KMT5B: variants seen among roughly 807,000 people sequenced by gnomAD.
KMT5B encodes lysine methyltransferase 5B, also known as histone-lysine N-methyltransferase KMT5B.
KMT5B carries 10 observed loss-of-function variants against 83.2 expected under a neutral mutation model. The ratio of observed to expected loss-of-function variants is 0.12; its 90% CI spans 0.07 to 0.20. KMT5B has a LOEUF of 0.20. KMT5B is among the 10% of genes least tolerant of loss of function. The probability of loss-of-function intolerance (pLI) is 1.00; values close to 1 mark genes in which losing one functional copy is unlikely to be tolerated. For missense variants in KMT5B, 753 were observed against 1,067.2 expected (o/e 0.71, Z 4.10); for synonymous variants, 349 against 388.8 (o/e 0.90, Z 1.20).
At chr11:68,207,328 C>G (rs1157028223) in intron 1 of KMT5B, among the ~76,000 whole-genome samples, 1 of 152,112 alleles carries the variant, frequency 6.6e-6, no homozygotes, top group Non-Finnish European at 1.5e-5. Context: ...TGTACCTGGT[C>G]AAACAGATTA....
chr11:68,197,700 G>T (rs1432326218), intron 1 of KMT5B, among the ~76,000 whole-genome samples: 1 of 152,110 alleles, frequency 6.6e-6, no homozygotes, highest in African/African-American at 2.4e-5. Flanking sequence ...GATATTATTT[G>T]AACTCAAGGT....
intron 10 of KMT5B, among the ~76,000 whole-genome samples, chr11:68,159,517 G>C (rs1854672052): frequency 6.6e-6 from 1 of 152,150 alleles, no homozygotes; most frequent in Admixed American, 6.6e-5. Flanking sequence ...CCACATAAAA[G>C]ATTTCAAAGA....
rs946728630 is a variant in KMT5B at position 68,155,554 on chromosome 11, A to C, written c.*2134T>G. ...TATCGTTGGTATTCAAATAAGGTTT[A>C]AGATTTAGTCTCTGAACCTCTTCAA... is the stretch of plus-strand genomic sequence containing the variant. On this transcript the variant is annotated 3_prime_UTR_variant, in exon 11 of 11. Coordinates refer to ENST00000304363, the MANE Select transcript of KMT5B (RefSeq NM_017635.5). 1.3e-5 allele frequency: 2 copies of C among 152,222 alleles called. No homozygotes were observed. Among genetic ancestry groups the C allele is most frequent in the Non-Finnish European group, 2.9e-5 (2 of 68,026 alleles). 9.4% of individuals were successfully genotyped at this position (152,222 alleles called of 1,614,324 possible). A position where few individuals can be genotyped will look rare whatever the true frequency, so the allele number is the denominator to read the frequency against.
chr11:68,157,091 CATTTTTT>C lies in KMT5B; in HGVS notation c.*590_*596del, dbSNP rs1397144318. 7.0e-6 allele frequency: 1 copy of C among 142,626 alleles called. No individual in the cohort carries two copies. The highest frequency in any genetic ancestry group is 1.5e-5 in the Non-Finnish European group (1 of 65,410). The allele number at this position is 142,626 out of a possible 1,614,324, so 8.8% of individuals were successfully genotyped here. Reference sequence around the variant, plus strand: ...CTGAAAAGTGAGCTGTCACGTATGTCATTTTTTTTTTTTTTTTAAGAAACCAATCTGA... The same window carrying C: ...CTGAAAAGTGAGCTGTCACGTATGTCTTTTTTTTTTAAGAAACCAATCTGA... On this transcript the variant is annotated 3_prime_UTR_variant, in exon 11 of 11. Coordinates refer to ENST00000304363, the MANE Select transcript of KMT5B (RefSeq NM_017635.5).
At chr11:68,162,321 G>A (rs1019678566) in intron 10 of KMT5B, among the ~76,000 whole-genome samples, 4 of 152,156 alleles carry the variant, frequency 2.6e-5, no homozygotes, top group Non-Finnish European at 4.4e-5. Flanking sequence ...TTTAACCTGT[G>A]CTCACATCTC....
chr11:68,205,153 AAAAC>A (rs1299939183), intron 1 of KMT5B, among the ~76,000 whole-genome samples: 1 of 152,040 alleles, frequency 6.6e-6, no homozygotes, highest in Non-Finnish European at 1.5e-5. Flanking sequence ...ACCAAAAAAA[AAAAC>A]AAAAAAAACA....
At chr11:68,205,855 C>G (rs1048451732) in intron 1 of KMT5B, among the ~76,000 whole-genome samples, 1 of 152,102 alleles carries the variant, frequency 6.6e-6, no homozygotes, top group Admixed American at 6.6e-5. Flanking sequence ...CTCCTGACCT[C>G]GAGATCCACC....
chr11:68,163,228 G>GC (rs1329415081), intron 10 of KMT5B, among the ~76,000 whole-genome samples: 2 of 152,176 alleles, frequency 1.3e-5, no homozygotes, highest in Non-Finnish European at 2.9e-5. Flanking sequence ...ATTACTACAT[G>GC]CTAGGTGCTG....
rs1861204194 is a variant in KMT5B at position 68,213,213 on chromosome 11, C to G, written c.-152G>C. 6.9e-6 allele frequency: 1 copy of G among 145,118 alleles called. No individual in the cohort carries two copies. Among genetic ancestry groups the G allele is most frequent in the African/African-American group, 2.5e-5 (1 of 40,260 alleles). The allele number at this position is 145,118 out of a possible 1,614,324, so 9.0% of individuals were successfully genotyped here. A position where few individuals can be genotyped will look rare whatever the true frequency, so the allele number is the denominator to read the frequency against. On this transcript the variant is annotated 5_prime_UTR_variant, in exon 1 of 11. Transcript: ENST00000304363. ...CGGCCGCTGCGATGCGGGGCCGCGC[C>G]GCCGGGCCCCGCGTCCCAGTCCCCC... is the stretch of plus-strand genomic sequence containing the variant.
chr11:68,169,113 C>A (rs1855594844), intron 9 of KMT5B, among the ~76,000 whole-genome samples: 1 of 152,210 alleles, frequency 6.6e-6, no homozygotes, highest in Non-Finnish European at 1.5e-5. Flanking sequence ...TCATGCTGTT[C>A]CATTTAAAAA....
At chr11:68,206,579 G>GC (rs1565264460) in intron 1 of KMT5B, among the ~76,000 whole-genome samples, 1 of 152,154 alleles carries the variant, frequency 6.6e-6, no homozygotes, top group East Asian at 1.9e-4. Context: ...AGCAGTGTGA[G>GC]CAGACGAGTT....
chr11:68,162,846 T>C (rs1401289707), intron 10 of KMT5B, among the ~76,000 whole-genome samples: 2 of 152,178 alleles, frequency 1.3e-5, no homozygotes, highest in Non-Finnish European at 2.9e-5. Context: ...TCAAAAGGTA[T>C]GCTCATCAAA....
chr11:68,178,580 T>G (rs1856603264), intron 4 of KMT5B, among the ~76,000 whole-genome samples: 1 of 152,220 alleles, frequency 6.6e-6, no homozygotes, highest in African/African-American at 2.4e-5. Flanking sequence ...CACAGTTGGC[T>G]GCTATGGGCA....
rs1230036223 is a variant in KMT5B, at chr11:68,158,934, T to G, written c.1412A>C (p.Glu471Ala). 1 of 1,613,782 alleles carries G rather than the reference T, an allele frequency of 6.2e-7. No homozygotes were observed. ...CTCTTTCAGTACTAAGTTTCCCATT[T>G]CGAGTTTTCTTGAAGCATTCTTTTG... ...LEQKNASRKL[E>A]MGNLVLKEPK... The change falls in exon 11 of 11, where the codon GAA becomes GCA. Residue 471 changes from glutamate to alanine, a missense_variant. Around this residue, in one of 9 missense-constraint regions of KMT5B, gnomAD observed 397 missense variants for 395.9 expected, o/e 1.00. Transcript: ENST00000304363.
intron 3 of KMT5B, 137 bp downstream of exon 3, chr11:68,185,644 C>T: frequency 1.3e-6 from 1 of 760,102 alleles, no homozygotes; most frequent in Non-Finnish European, 2.0e-6. Flanking sequence ...TCTTGGCTCA[C>T]AGACAGAAAA....
chr11:68,203,951 T>C (rs1859758753), intron 1 of KMT5B, among the ~76,000 whole-genome samples: 1 of 152,188 alleles, frequency 6.6e-6, no homozygotes, highest in African/African-American at 2.4e-5. Flanking sequence ...CAAATGTCCA[T>C]GATATTATCA....
intron 1 of KMT5B, among the ~76,000 whole-genome samples, chr11:68,209,040 C>T (rs1194296266): frequency 6.6e-6 from 1 of 152,114 alleles, no homozygotes; most frequent in Non-Finnish European, 1.5e-5. Flanking sequence ...AGGATCAAGC[C>T]CCCTTTTACT....
intron 1 of KMT5B, among the ~76,000 whole-genome samples, chr11:68,206,937 G>C (rs1248431504): frequency 6.6e-6 from 1 of 152,122 alleles, no homozygotes; most frequent in Admixed American, 6.5e-5. Context: ...GCTGCAACAC[G>C]CATGATTAAA....
chr11:68,207,243 C>T lies in KMT5B; in HGVS notation c.-77+5895G>A, dbSNP rs182906155. Among the ~76,000 whole-genome samples the T allele has an allele frequency of 1.9e-4, 29 of 151,764 alleles. No individual in the cohort carries two copies. In the East Asian group the frequency reaches 5.1e-3, roughly 26 times the overall value. ...AAAAAAAAAAAATCATGCCAAGCTA[C>T]ATCTCCCATCCTAAACATTCAGAGG... On this transcript the variant is annotated intron_variant, in intron 1 of 10. Transcript: ENST00000304363.
Sources: allele counts gnomAD v4.1 joint callset (sites outside exome capture counted in the v4.1 genomes callset), GRCh38; gene constraint gnomAD v4.1.1; regional missense constraint gnomAD v4.1.1; transcripts MANE v1.5; gene names NCBI Gene and HGNC (gene_info 2026-07-23, HGNC 2026-07-21).